TAF3: variants seen among roughly 807,000 people sequenced by gnomAD.
The protein encoded by TAF3 is TATA-box binding protein associated factor 3.
TAF3 carries 7 observed loss-of-function variants against 80.6 expected under a neutral mutation model. That is an observed-to-expected ratio of 0.09 (90% CI 0.05 to 0.16). The LOEUF (loss-of-function observed/expected upper bound fraction) is 0.16, where lower values mean the gene tolerates loss of function less well. TAF3 is among the 10% of genes least tolerant of loss of function. The probability of loss-of-function intolerance (pLI) is 1.00; values close to 1 mark genes in which losing one functional copy is unlikely to be tolerated. For missense variants in TAF3, 921 were observed against 1,140.2 expected (o/e 0.81, Z 2.77); for synonymous variants, 444 against 446.1 (o/e 1.00, Z 0.06).
At chr10:8,006,608 G>A (rs1419501459) in intron 4 of TAF3, among the ~76,000 whole-genome samples, 1 of 152,212 alleles carries the variant, frequency 6.6e-6, no homozygotes, top group African/African-American at 2.4e-5. Flanking sequence ...ACCCTTGCAG[G>A]AAACAAATAG....
chr10:7,833,301 A>G (rs1374817009), intron 2 of TAF3, among the ~76,000 whole-genome samples: 1 of 152,128 alleles, frequency 6.6e-6, no homozygotes, highest in East Asian at 1.9e-4. Flanking sequence ...CATGACTACT[A>G]ATCTAAATTC....
chr10:7,880,163 C>T (rs755705731), intron 2 of TAF3, among the ~76,000 whole-genome samples: 3 of 152,092 alleles, frequency 2.0e-5, no homozygotes, highest in South Asian at 2.1e-4. Context: ...CACCTGAGCC[C>T]GGGAGTTCTA....
chr10:7,987,204 C>T lies in TAF3; in HGVS notation c.2315+9881C>T, dbSNP rs1831787266. ...AGGTATGGTGGCATGTGCCTTTAGT[C>T]CCACGTACTCAGGAGGCTGAGGCTT... is the stretch of plus-strand genomic sequence containing the variant. On this transcript the variant is annotated intron_variant, in intron 4 of 6. Transcript: ENST00000344293. Among the ~76,000 whole-genome samples the T allele has an allele frequency of 2.0e-5, 3 of 152,076 alleles. No individual in the cohort carries two copies. The South Asian group carries it at 6.2e-4, about 32-fold the overall frequency.
intron 5 of TAF3, among the ~76,000 whole-genome samples, chr10:8,010,152 C>G (rs967337252): frequency 3.9e-5 from 6 of 152,166 alleles, no homozygotes; most frequent in Non-Finnish European, 7.3e-5. Context: ...AGCAATCCAC[C>G]CATTTCTGCC....
At chr10:7,977,468 G>T in intron 4 of TAF3, 145 bp downstream of exon 4, 1 of 625,074 alleles carries the variant, frequency 1.6e-6, no homozygotes. Context: ...TCGTTTTCAA[G>T]TTTTTATTGG....
chr10:7,868,505 C>T (rs1837236308), intron 2 of TAF3, among the ~76,000 whole-genome samples: 1 of 151,936 alleles, frequency 6.6e-6, no homozygotes, highest in Non-Finnish European at 1.5e-5. Context: ...GTTCTAGTGA[C>T]CATCAGGAGT....
At chr10:7,982,135 G>C (rs1002269858) in intron 4 of TAF3, among the ~76,000 whole-genome samples, 3 of 152,084 alleles carry the variant, frequency 2.0e-5, no homozygotes, top group African/African-American at 7.2e-5. Flanking sequence ...AGAAATAATA[G>C]TAAATGTTTT....
intron 5 of TAF3, among the ~76,000 whole-genome samples, chr10:8,010,781 G>A (rs188469470): frequency 2.4e-4 from 36 of 152,160 alleles, no homozygotes; most frequent in Admixed American, 1.4e-3. Flanking sequence ...ATGGTGGCAC[G>A]TGCCTGTAAT....
intron 2 of TAF3, among the ~76,000 whole-genome samples, chr10:7,935,245 C>G (rs1034784910): frequency 1.3e-5 from 2 of 151,802 alleles, no homozygotes; most frequent in African/African-American, 2.4e-5. Context: ...CCACTGCACT[C>G]CAGCCTGGGC....
At chr10:7,861,899 T>G (rs1169964142) in intron 2 of TAF3, among the ~76,000 whole-genome samples, 1 of 152,228 alleles carries the variant, frequency 6.6e-6, no homozygotes, top group East Asian at 1.9e-4. Context: ...TTTTTCCCTA[T>G]CATCTCCTTC....
rs116433580 is a variant in TAF3, at chr10:8,009,659, T to C, written c.2568+329T>C. 0.013 allele frequency among the ~76,000 whole-genome samples: 1,957 copies of C among 151,992 alleles called. 46 individuals are homozygous for C. The highest frequency in any genetic ancestry group is 0.045 in the African/African-American group (1,847 of 41,420). On this transcript the variant is annotated intron_variant, in intron 5 of 6. Coordinates refer to ENST00000344293, the MANE Select transcript of TAF3 (RefSeq NM_031923.4). This position sits in a 1 kb window ranked among gnomAD's most constrained non-coding sequence, Gnocchi z 4.1. ...TTTTTGAGACAGAGTTTCGCTCTTA[T>C]TGCCCAACCTGGAATGCGGTGGTGA...
chr10:7,825,921 A>G (rs1375040560), intron 2 of TAF3, among the ~76,000 whole-genome samples: 1 of 152,168 alleles, frequency 6.6e-6, no homozygotes, highest in African/African-American at 2.4e-5. Flanking sequence ...AGGAAGCACC[A>G]CACTGTTTTC....
intron 4 of TAF3, among the ~76,000 whole-genome samples, chr10:7,997,405 C>T (rs1446043395): frequency 1.3e-5 from 2 of 152,244 alleles, no homozygotes; most frequent in African/African-American, 4.8e-5. Context: ...CTTGTGCAGA[C>T]ATATCCAACT....
At chr10:7,989,842 A>G (rs1831816690) in intron 4 of TAF3, among the ~76,000 whole-genome samples, 2 of 152,220 alleles carry the variant, frequency 1.3e-5, no homozygotes, top group Admixed American at 1.3e-4. Flanking sequence ...TCCATTGGCC[A>G]AAGTTTGGAG....
chr10:8,008,722 C>G (rs566056918), intron 4 of TAF3, among the ~76,000 whole-genome samples: 2 of 152,280 alleles, frequency 1.3e-5, no homozygotes, highest in African/African-American at 4.8e-5. Flanking sequence ...CAGGCCCCCC[C>G]GAGGACTCAG....
At chr10:7,839,010 G>A (rs1302000527) in intron 2 of TAF3, among the ~76,000 whole-genome samples, 1 of 151,426 alleles carries the variant, frequency 6.6e-6, no homozygotes, top group African/African-American at 2.4e-5. Context: ...CTGATGTTGG[G>A]ATATGCCTGT....
At chr10:7,916,236 G>A (rs1323851955) in intron 2 of TAF3, among the ~76,000 whole-genome samples, 1 of 152,182 alleles carries the variant, frequency 6.6e-6, no homozygotes, top group Admixed American at 6.5e-5. Context: ...GTCTTTGTCT[G>A]AATCTCCTTC....
chr10:7,873,379 A>G (rs886187039), intron 2 of TAF3, among the ~76,000 whole-genome samples: 6 of 152,208 alleles, frequency 3.9e-5, no homozygotes, highest in Non-Finnish European at 7.3e-5. Context: ...CAGGTAATTT[A>G]ATGTTTACTT....
chr10:7,899,372 C>G (rs1277004168), intron 2 of TAF3, among the ~76,000 whole-genome samples: 2 of 152,198 alleles, frequency 1.3e-5, no homozygotes, highest in Non-Finnish European at 2.9e-5. Flanking sequence ...CACACACATT[C>G]AGCAAGTCCC....
Sources: allele counts gnomAD v4.1 joint callset (sites outside exome capture counted in the v4.1 genomes callset), GRCh38; gene constraint gnomAD v4.1.1; non-coding constraint Gnocchi (gnomAD v3.1); transcripts MANE v1.5; gene names NCBI Gene and HGNC (gene_info 2026-07-23, HGNC 2026-07-21).